TENM2: variants seen among roughly 807,000 people sequenced by gnomAD.
TENM2 encodes teneurin transmembrane protein 2.
TENM2 carries 52 observed loss-of-function variants against 245.2 expected under a neutral mutation model. That is an observed-to-expected ratio of 0.21 (90% CI 0.17 to 0.27). The LOEUF (loss-of-function observed/expected upper bound fraction) is 0.27, where lower values mean the gene tolerates loss of function less well. Ranked by LOEUF, TENM2 falls within the 10% of genes least tolerant of loss-of-function variation. The probability of loss-of-function intolerance (pLI) is 1.00; values close to 1 mark genes in which losing one functional copy is unlikely to be tolerated. For missense variants in TENM2, 3,046 were observed against 3,666.8 expected, an observed-to-expected ratio of 0.83 and a Z score of 4.37; for synonymous variants, 1,363 against 1,438.9, an observed-to-expected ratio of 0.95 and a Z score of 1.19.
At chr5:168,038,563 TTAGAACAG>T (rs1787905763) in intron 5 of TENM2, among the ~76,000 whole-genome samples, 1 of 152,222 alleles carries the variant, frequency 6.6e-6, no homozygotes, top group Admixed American at 6.5e-5. Flanking sequence ...TATAGAGGGC[TTAGAACAG>T]TGGTTGACAC....
At chr5:167,215,428 T>C in the TENM2 span, among the ~76,000 whole-genome samples, 1 of 152,146 alleles carries the variant, frequency 6.6e-6, no homozygotes, top group Non-Finnish European at 1.5e-5. Flanking sequence ...CAGTCCAGGC[T>C]CCATAAAGTG....
intron 2 of TENM2, among the ~76,000 whole-genome samples, chr5:167,824,531 C>T (rs1479058794): frequency 2.0e-5 from 3 of 152,192 alleles, no homozygotes; most frequent in Non-Finnish European, 4.4e-5. Context: ...GGGGTCTCCA[C>T]ACCCAGAACA....
In TENM2 at chr5:167,727,270, C is replaced by T. The variant is rs540765548; in HGVS notation, c.503-148716C>T. Among the ~76,000 whole-genome samples, 1,021 of 152,044 alleles carry T rather than the reference C, an allele frequency of 6.7e-3. 12 individuals carry two copies. Among genetic ancestry groups the T allele is most frequent in the Non-Finnish European group, 9.4e-3 (639 of 67,972 alleles). ...GACTACAGGTGCCCGCCACCACGCC[C>T]GGCTAATTTTGTTTTGTAATTTTAG... On this transcript the variant is annotated intron_variant, in intron 2 of 28. Transcript: ENST00000518659.
intron 2 of TENM2, among the ~76,000 whole-genome samples, chr5:167,623,851 G>A (rs1194354792): frequency 6.6e-6 from 1 of 152,028 alleles, no homozygotes; most frequent in Non-Finnish European, 1.5e-5. Context: ...TTAAAAGTTA[G>A]GTGTTTTTCC....
chr5:168,233,061 C>T (rs1378077055), intron 25 of TENM2, among the ~76,000 whole-genome samples: 1 of 152,232 alleles, frequency 6.6e-6, no homozygotes, highest in Non-Finnish European at 1.5e-5. Flanking sequence ...GGCGTGGTGT[C>T]TCACGCCTGT....
the TENM2 span, among the ~76,000 whole-genome samples, chr5:167,244,660 C>A: frequency 7.9e-4 from 120 of 152,296 alleles, no homozygotes; most frequent in Middle Eastern, 3.4e-3. Flanking sequence ...GAGAGAAGCC[C>A]AGGGCATTCT....
At position 168,092,226 on chromosome 5, in the gene TENM2, C is replaced by G. The variant is rs1246961554; in HGVS notation, c.1711+1457C>G. On this transcript the variant is annotated intron_variant, in intron 8 of 28. Transcript: ENST00000518659. ...AAATCATATAGAGTTTTGGTACTGA[C>G]CATGGGATTCAAGTCAATCCTTATT... Among the ~76,000 whole-genome samples, 4 of 152,290 alleles carry G rather than the reference C, an allele frequency of 2.6e-5. No individual in the cohort carries two copies. The East Asian group carries it at 7.7e-4, about 29-fold the overall frequency.
At chr5:167,412,878 C>CA (rs35434897) in intron 2 of TENM2, among the ~76,000 whole-genome samples, 62,954 of 137,270 alleles carry the variant, frequency 0.46, 13,810 homozygotes, top group Admixed American at 0.5. Flanking sequence ...TCATCGAAAG[C>CA]AAAAAAAAAA....
chr5:167,052,325 A>T, the TENM2 span, among the ~76,000 whole-genome samples: 1 of 152,154 alleles, frequency 6.6e-6, no homozygotes, highest in Non-Finnish European at 1.5e-5. Context: ...TCAGCCTGAA[A>T]AAAAGGTTGA....
chr5:167,298,111 G>A (rs992853104), intron 1 of TENM2, among the ~76,000 whole-genome samples: 1 of 152,100 alleles, frequency 6.6e-6, no homozygotes, highest in South Asian at 2.1e-4. Context: ...AAAATTTTTG[G>A]GGGTGGGATG....
chr5:166,990,033 C>A, the TENM2 span, among the ~76,000 whole-genome samples: 1 of 151,706 alleles, frequency 6.6e-6, no homozygotes, highest in Admixed American at 6.6e-5. Context: ...TATAAATAGA[C>A]AAAGAAAGCA....
chr5:167,353,656 C>T (rs1021871587), intron 1 of TENM2, among the ~76,000 whole-genome samples: 26 of 151,170 alleles, frequency 1.7e-4, no homozygotes, highest in South Asian at 4.2e-4. Flanking sequence ...AACAGGCGCC[C>T]GCCACTACGC....
chr5:168,188,004 T>C (rs953015797), intron 13 of TENM2, among the ~76,000 whole-genome samples: 1 of 152,200 alleles, frequency 6.6e-6, no homozygotes, highest in Non-Finnish European at 1.5e-5. Flanking sequence ...TGAGCAACAT[T>C]TGCCCATGTG....
intron 2 of TENM2, among the ~76,000 whole-genome samples, chr5:167,423,776 T>C (rs1763649416): frequency 6.6e-6 from 1 of 152,174 alleles, no homozygotes. Flanking sequence ...TCATTTTCAT[T>C]CACCCTCGGC....
At chr5:167,469,591 G>A (rs1766882576) in intron 2 of TENM2, among the ~76,000 whole-genome samples, 2 of 152,118 alleles carry the variant, frequency 1.3e-5, no homozygotes, top group Admixed American at 6.5e-5. Flanking sequence ...TATAATGCAA[G>A]TGTTTGGTTT....
At chr5:167,951,857 C>T (rs1373938685) in intron 3 of TENM2, among the ~76,000 whole-genome samples, 1 of 152,176 alleles carries the variant, frequency 6.6e-6, no homozygotes, top group Admixed American at 6.5e-5. Context: ...TGTGTATACA[C>T]ACATACATAC....
chr5:168,051,892 C>G (rs1356533306), intron 6 of TENM2, among the ~76,000 whole-genome samples: 1 of 152,212 alleles, frequency 6.6e-6, no homozygotes, highest in Non-Finnish European at 1.5e-5. Flanking sequence ...CTGATGTCAT[C>G]TTTACATCTC....
At chr5:167,275,804 A>G in the TENM2 span, among the ~76,000 whole-genome samples, 1 of 152,036 alleles carries the variant, frequency 6.6e-6, no homozygotes, top group Non-Finnish European at 1.5e-5. Flanking sequence ...TCATCTGTAA[A>G]CAGGGAAAGT....
At chr5:167,003,758 A>G in the TENM2 span, among the ~76,000 whole-genome samples, 1 of 152,186 alleles carries the variant, frequency 6.6e-6, no homozygotes, top group Non-Finnish European at 1.5e-5. Flanking sequence ...AAATGTAGTG[A>G]CTAAATACTT....
Sources: gnomAD v4.1 joint callset for allele counts (sites outside exome capture counted in the v4.1 genomes callset) on GRCh38, gnomAD v4.1.1 for gene constraint, MANE v1.5 for transcripts, NCBI Gene and HGNC (gene_info 2026-07-23, HGNC 2026-07-21) for gene names.